SPATA45: variants seen among roughly 807,000 people sequenced by gnomAD.
SPATA45 encodes the protein spermatogenesis-associated protein 45.
SPATA45 carries 5 observed loss-of-function variants against 7.0 expected under a neutral mutation model. The ratio of observed to expected loss-of-function variants is 0.71; its 90% CI spans 0.37 to 1.50. SPATA45 has a LOEUF of 1.50. Among genes scored for constraint, SPATA45 ranks in the 40% most tolerant of loss-of-function variants. The pLI is 0.03. For missense variants in SPATA45, 111 were observed against 114.9 expected, an observed-to-expected ratio of 0.97 and a Z score of 0.16; for synonymous variants, 40 against 38.7, an observed-to-expected ratio of 1.03 and a Z score of -0.13.
chr1:212,844,453 A>C (rs1331239721), intron 1 of SPATA45, among the ~76,000 whole-genome samples: 1 of 152,016 alleles, frequency 6.6e-6, no homozygotes, highest in Admixed American at 6.6e-5. Flanking sequence ...CCATGACGCT[A>C]TCTCTCTGAT....
intron 2 of SPATA45, 127 bp downstream of exon 2, chr1:212,835,746 G>A: frequency 9.8e-6 from 8 of 819,956 alleles, no homozygotes; most frequent in Non-Finnish European, 1.5e-5. Context: ...TGAGACAGAA[G>A]AATCGCTTGA....
chr1:212,830,985 A>G (rs1663476300), intron 2 of SPATA45, among the ~76,000 whole-genome samples: 1 of 151,002 alleles, frequency 6.6e-6, no homozygotes, highest in Non-Finnish European at 1.5e-5. Flanking sequence ...AAATCTCAAA[A>G]AAAATTAGCT....
intron 1 of SPATA45, among the ~76,000 whole-genome samples, chr1:212,840,069 C>A (rs1037708763): frequency 6.6e-6 from 1 of 151,570 alleles, no homozygotes; most frequent in Non-Finnish European, 1.5e-5. Context: ...TAAGATTTGA[C>A]AATGTAATAG....
intron 1 of SPATA45, among the ~76,000 whole-genome samples, chr1:212,846,252 C>CT (rs57539645): frequency 0.7 from 106,267 of 151,864 alleles, 37,698 homozygotes; most frequent in African/African-American, 0.77. Flanking sequence ...CATGCTGCCC[C>CT]AATCCTGCTT....
At position 212,835,930 on chromosome 1, in the gene SPATA45, A is replaced by T; in HGVS notation, c.220T>A (p.Ser74Thr). 1 of 1,610,276 alleles carries T rather than the reference A, an allele frequency of 6.2e-7. No homozygotes were observed. Among genetic ancestry groups the T allele is most frequent in the East Asian group, 2.2e-5 (1 of 44,820 alleles). Residue 74 changes from serine (S) to threonine (T), a missense_variant, in exon 2 of 3, where the codon TCC (serine) becomes ACC (threonine). By Grantham distance (58) the Ser-to-Thr change is moderately conservative. Coordinates refer to ENST00000332912, the MANE Select transcript of SPATA45 (RefSeq NM_001024601.3). ...GCAAGGAGACTCAGCTTGATCCAGGAGCTCCTGCCACTGTTGGGAACAGGC... is the reference window on the plus strand; with the variant it reads ...GCAAGGAGACTCAGCTTGATCCAGGTGCTCCTGCCACTGTTGGGAACAGGC... ...KEPVPNSGRS[S>T]WIKLSLLAHM...
chr1:212,845,815 C>A (rs374067776), intron 1 of SPATA45, among the ~76,000 whole-genome samples: 6 of 152,260 alleles, frequency 3.9e-5, no homozygotes, highest in African/African-American at 1.4e-4. Flanking sequence ...GCTGGCTTTG[C>A]ATTTCTCTTT....
intron 1 of SPATA45, among the ~76,000 whole-genome samples, chr1:212,841,086 A>T (rs1486954649): frequency 1.3e-5 from 2 of 152,030 alleles, no homozygotes; most frequent in South Asian, 4.1e-4. Flanking sequence ...GATTACAGGC[A>T]TGTGCCACCA....
At chr1:212,840,774 C>T (rs1398225048) in intron 1 of SPATA45, among the ~76,000 whole-genome samples, 1 of 152,102 alleles carries the variant, frequency 6.6e-6, no homozygotes, top group African/African-American at 2.4e-5. Context: ...TCCGCCACCA[C>T]GCCCGGCTAA....
In SPATA45 at chr1:212,844,676, T is replaced by C. The variant is rs116819155; in HGVS notation, c.-39+2904A>G. ...AAACTCATTGCCTTAACTCAGGCCC[T>C]CACTCTTGCAAGGGACTATGCATCA... On this transcript the variant is annotated intron_variant, in intron 1 of 2. Transcript: ENST00000332912. Among the ~76,000 whole-genome samples the C allele has an allele frequency of 6.7e-3, 1,027 of 152,312 alleles. 18 individuals carry two copies. The highest frequency in any genetic ancestry group is 0.024 in the African/African-American group (986 of 41,564).
At chr1:212,840,996 A>C (rs932849703) in intron 1 of SPATA45, among the ~76,000 whole-genome samples, 1 of 151,688 alleles carries the variant, frequency 6.6e-6, no homozygotes, top group Non-Finnish European at 1.5e-5. Context: ...GATGGAGTCC[A>C]GTGGAGTGAT....
chr1:212,836,486 A>G (rs1663588635), intron 1 of SPATA45, among the ~76,000 whole-genome samples: 1 of 151,344 alleles, frequency 6.6e-6, no homozygotes, highest in Non-Finnish European at 1.5e-5. Flanking sequence ...GCGCACTACC[A>G]TGCCTGGCTA....
At chr1:212,843,396 C>A (rs1663727479) in intron 1 of SPATA45, among the ~76,000 whole-genome samples, 1 of 152,062 alleles carries the variant, frequency 6.6e-6, no homozygotes, top group Non-Finnish European at 1.5e-5. Flanking sequence ...CTTAATACAA[C>A]CAACCCTCAA....
At chr1:212,843,223 G>C (rs10746438) in intron 1 of SPATA45, among the ~76,000 whole-genome samples, 65,164 of 150,652 alleles carry the variant, frequency 0.43, 15,217 homozygotes, top group East Asian at 0.52. Flanking sequence ...TCCAGCGGCA[G>C]AGGTTGCGGT....
At chr1:212,832,314 A>G (rs933280165) in intron 2 of SPATA45, among the ~76,000 whole-genome samples, 17 of 92,412 alleles carry the variant, frequency 1.8e-4, no homozygotes, top group Non-Finnish European at 3.3e-4. Context: ...GAAATGTACT[A>G]TTTTTTAACT....
At chr1:212,840,795 T>C (rs1326891483) in intron 1 of SPATA45, among the ~76,000 whole-genome samples, 1 of 152,072 alleles carries the variant, frequency 6.6e-6, no homozygotes, top group Non-Finnish European at 1.5e-5. Flanking sequence ...TTTTTTTGTA[T>C]TTTTAGTAGA....
intron 1 of SPATA45, among the ~76,000 whole-genome samples, chr1:212,841,076 G>A (rs1663673810): frequency 6.6e-6 from 1 of 152,296 alleles, no homozygotes; most frequent in East Asian, 1.9e-4. Flanking sequence ...CAGTAGCTGG[G>A]ATTACAGGCA....
At chr1:212,836,244 C>T in intron 1 of SPATA45, 57 bp from the exon 2 acceptor site, 1 of 1,323,512 alleles carries the variant, frequency 7.6e-7, no homozygotes, top group Non-Finnish European at 1.0e-6. Context: ...AGCCAGTATT[C>T]ACAATCACGT....
intron 1 of SPATA45, 83 bp downstream of exon 1, chr1:212,847,497 T>C (rs991325575): frequency 3.9e-5 from 6 of 152,190 alleles, no homozygotes; most frequent in African/African-American, 1.2e-4. Flanking sequence ...GGCAACTTTA[T>C]AGAACATAAC....
chr1:212,846,060 T>A (rs991047338), intron 1 of SPATA45, among the ~76,000 whole-genome samples: 3 of 152,182 alleles, frequency 2.0e-5, no homozygotes, highest in African/African-American at 7.2e-5. Flanking sequence ...TTAATACCTA[T>A]TTTTCTCCTT....
Sources: gnomAD v4.1 joint callset for allele counts (sites outside exome capture counted in the v4.1 genomes callset) on GRCh38, gnomAD v4.1.1 for gene constraint, MANE v1.5 for transcripts, NCBI Gene and HGNC (gene_info 2026-07-23, HGNC 2026-07-21) for gene names.